The following SVOPL variants were observed in gnomAD, a reference collection of about 807,000 sequenced individuals.
SVOPL encodes SVOP like, also known as putative transporter SVOPL.
A neutral mutation model predicts 61.0 loss-of-function variants in SVOPL; 60 were observed. The observed-to-expected ratio is 0.98, with a 90% CI of 0.80 to 1.22. SVOPL has a LOEUF of 1.22. SVOPL is among the 50% of genes most tolerant of loss of function. SVOPL has a pLI of 0.00. For missense variants in SVOPL, 662 were observed against 643.9 expected (o/e 1.03, Z -0.30); for synonymous variants, 279 against 250.0 (o/e 1.12, Z -1.09).
At chr7:138,668,824 T>A (rs1030402504) in intron 4 of SVOPL, among the ~76,000 whole-genome samples, 1 of 152,186 alleles carries the variant, frequency 6.6e-6, no homozygotes, top group Non-Finnish European at 1.5e-5. Context: ...TCTGGAATTC[T>A]CCACCACCAG....
At chr7:138,645,407 A>C (rs75543644) in intron 8 of SVOPL, among the ~76,000 whole-genome samples, 2,557 of 152,192 alleles carry the variant, frequency 0.017, 42 homozygotes, top group Non-Finnish European at 0.026. Context: ...TCACGCAATC[A>C]AGGCTGTTGG....
intron 1 of SVOPL, among the ~76,000 whole-genome samples, chr7:138,689,951 C>CA (rs1440055584): frequency 6.6e-6 from 1 of 151,834 alleles, no homozygotes; most frequent in Non-Finnish European, 1.5e-5. Flanking sequence ...AATTTGGACA[C>CA]AGAGACAGCA....
chr7:138,619,847 T>C (rs1799471745), intron 14 of SVOPL, among the ~76,000 whole-genome samples: 1 of 152,134 alleles, frequency 6.6e-6, no homozygotes, highest in South Asian at 2.1e-4. Flanking sequence ...AATCAGTGTC[T>C]TCCAGAGGCC....
chr7:138,629,508 C>G (rs1449078484), intron 10 of SVOPL, among the ~76,000 whole-genome samples: 1 of 152,150 alleles, frequency 6.6e-6, no homozygotes, highest in Non-Finnish European at 1.5e-5. Flanking sequence ...GCTCAAAGTG[C>G]TGGGATTATA....
chr7:138,614,595 C>A (rs766503544), intron 14 of SVOPL, among the ~76,000 whole-genome samples: 6 of 151,940 alleles, frequency 3.9e-5, no homozygotes, highest in Non-Finnish European at 8.8e-5. Context: ...GGGGTTTCAC[C>A]ATATTGGCCA....
At chr7:138,694,917 T>G (rs955922287) in intron 1 of SVOPL, among the ~76,000 whole-genome samples, 20 of 151,800 alleles carry the variant, frequency 1.3e-4, no homozygotes, top group African/African-American at 4.6e-4. Flanking sequence ...TTTTGTATGT[T>G]TAGTAGAGAC....
chr7:138,694,774 G>GCT (rs1350260925), intron 1 of SVOPL, among the ~76,000 whole-genome samples: 1 of 151,728 alleles, frequency 6.6e-6, no homozygotes, highest in African/African-American at 2.4e-5. Context: ...ACAGAGTTTC[G>GCT]CTCTTGTTGC....
At chr7:138,625,903 T>C in intron 13 of SVOPL, 66 bp downstream of exon 13, 2 of 1,512,836 alleles carry the variant, frequency 1.3e-6, no homozygotes, top group Non-Finnish European at 9.1e-7. Context: ...GCATTACCTT[T>C]GGATGGACAT....
In SVOPL at chr7:138,678,431, C is replaced by CA; in HGVS notation, c.174+2dup. ...TTCGTCAACATCTCGAAGGAGCACT[C>CA]ACCCCAGTACTGCCCATGATCAGAA... On this transcript the variant is annotated splice_region_variant and intron_variant, in intron 3 of 15. Transcript: ENST00000674285. 6.5e-7 allele frequency: 1 copy of CA among 1,549,890 alleles called. No homozygotes were observed. Among genetic ancestry groups the CA allele is most frequent in the Non-Finnish European group, 8.7e-7 (1 of 1,146,438 alleles).
At chr7:138,607,672 A>G (rs1471672452) in intron 14 of SVOPL, among the ~76,000 whole-genome samples, 2 of 152,208 alleles carry the variant, frequency 1.3e-5, no homozygotes, top group Non-Finnish European at 2.9e-5. Context: ...AGTGGAAGGC[A>G]GGAAATGAAG....
chr7:138,608,635 A>C (rs1299707890), intron 14 of SVOPL, among the ~76,000 whole-genome samples: 1 of 152,064 alleles, frequency 6.6e-6, no homozygotes, highest in East Asian at 1.9e-4. Flanking sequence ...TAAGTTGGAC[A>C]TGTACGATGT....
At chr7:138,611,899 C>A (rs558726958) in intron 14 of SVOPL, among the ~76,000 whole-genome samples, 2 of 32,150 alleles carry the variant, frequency 6.2e-5, no homozygotes, top group Non-Finnish European at 1.2e-4. Context: ...GAGGTGTGCC[C>A]AACAGCTCAT....
In SVOPL at chr7:138,628,295, A is replaced by C. The variant is rs748743747; in HGVS notation, c.932T>G (p.Val311Gly). 1 of 1,614,130 alleles carries C rather than the reference A, an allele frequency of 6.2e-7. No homozygotes were observed. Among genetic ancestry groups the C allele is most frequent in the Admixed American group, 1.7e-5 (1 of 60,004 alleles). Reference sequence around the variant, plus strand: ...CGCAGAGTCTGACTTTGAACCACAGACCAAGTCCCGCTCCAGCAGCTCAGC... The same window carrying C: ...CGCAGAGTCTGACTTTGAACCACAGCCCAAGTCCCGCTCCAGCAGCTCAGC... ...ASAELLERDL[V>G]CGSKSDSAVV... Residue 311 changes from valine to glycine, a missense_variant, in exon 11 of 16, where the codon GTC (valine) becomes GGC (glycine). By Grantham distance (109) the Val-to-Gly change is moderately radical (BLOSUM62 -3). Transcript: ENST00000674285.
intron 1 of SVOPL, among the ~76,000 whole-genome samples, chr7:138,680,310 G>C (rs1368103480): frequency 1.3e-5 from 2 of 151,560 alleles, no homozygotes; most frequent in African/African-American, 4.9e-5. Flanking sequence ...TGCCACACTG[G>C]GCTAATTTTT....
intron 14 of SVOPL, among the ~76,000 whole-genome samples, chr7:138,609,385 G>A (rs754790035): frequency 3.1e-4 from 47 of 150,878 alleles, no homozygotes; most frequent in Non-Finnish European, 5.6e-4. Context: ...GATGGCTCAC[G>A]CCTGTAATCC....
intron 1 of SVOPL, 27 bp from the exon 2 acceptor site, chr7:138,679,106 G>T: frequency 6.9e-7 from 1 of 1,453,652 alleles, no homozygotes; most frequent in Non-Finnish European, 9.4e-7. Flanking sequence ...AGGGAAGAAG[G>T]AAAGAAATAT....
intron 1 of SVOPL, among the ~76,000 whole-genome samples, chr7:138,687,955 C>A (rs1048253947): frequency 1.3e-5 from 2 of 152,012 alleles, no homozygotes; most frequent in Non-Finnish European, 2.9e-5. Context: ...GTGTGCACCA[C>A]CACACACAGC....
chr7:138,596,892 A>G (rs1334773547), intron 14 of SVOPL: 4 of 1,089,996 alleles, frequency 3.7e-6, no homozygotes, highest in Non-Finnish European at 4.5e-6. Context: ...CTCTCACTTC[A>G]TGCTATATCC....
intron 2 of SVOPL, 92 bp downstream of exon 2, chr7:138,678,872 T>A: frequency 7.5e-7 from 1 of 1,330,212 alleles, no homozygotes; most frequent in Non-Finnish European, 1.0e-6. Context: ...GCCTGGCTGC[T>A]TCTTTTGACC....
Sources: gnomAD v4.1 joint callset for allele counts (sites outside exome capture counted in the v4.1 genomes callset) on GRCh38, gnomAD v4.1.1 for gene constraint, MANE v1.5 for transcripts, NCBI Gene and HGNC (gene_info 2026-07-23, HGNC 2026-07-21) for gene names.